FAM193A: variants seen among roughly 807,000 people sequenced by gnomAD.
The protein encoded by FAM193A is protein FAM193A.
FAM193A carries 22 observed loss-of-function variants against 126.5 expected under a neutral mutation model. That is an observed-to-expected ratio of 0.17 (90% confidence interval 0.12 to 0.25). The LOEUF is 0.25. Among genes scored for constraint, FAM193A ranks in the 10% least tolerant of loss-of-function variants. The pLI is 1.00. For missense variants in FAM193A, 1,675 were observed against 1,672.8 expected (o/e 1.00, Z -0.02); for synonymous variants, 761 against 646.8 (o/e 1.18, Z -2.68).
rs567792372 is a variant in FAM193A at position 2,638,245 on chromosome 4, G to A, written c.1039-1490G>A. Reference sequence around the variant, plus strand: ...GTCACTGCCTACTCTTCTGTTCCCCGGGAACTCCTGGAGAGCAGCGGACTA... The same window carrying A: ...GTCACTGCCTACTCTTCTGTTCCCCAGGAACTCCTGGAGAGCAGCGGACTA... On this transcript the variant is annotated intron_variant, in intron 5 of 20. Transcript: ENST00000637812. Among the ~76,000 whole-genome samples the A allele has an allele frequency of 3.9e-5, 6 of 152,316 alleles. No homozygotes were observed. The East Asian group carries it at 5.8e-4, about 15-fold the overall frequency.
intron 2 of FAM193A, among the ~76,000 whole-genome samples, chr4:2,614,378 CAG>C (rs1742063931): frequency 6.6e-6 from 1 of 152,176 alleles, no homozygotes; most frequent in Non-Finnish European, 1.5e-5. Flanking sequence ...AAGATGATAA[CAG>C]AGTTTTCCTT....
intron 4 of FAM193A, among the ~76,000 whole-genome samples, chr4:2,630,045 C>T (rs1021671133): frequency 4.0e-5 from 6 of 151,124 alleles, no homozygotes; most frequent in South Asian, 2.1e-4. Flanking sequence ...GGCAGGAGAA[C>T]TGTGTGAACC....
intron 4 of FAM193A, among the ~76,000 whole-genome samples, chr4:2,629,854 G>A (rs982234490): frequency 1.3e-4 from 20 of 152,158 alleles, no homozygotes; most frequent in East Asian, 1.9e-4. Context: ...ATTATCGGCC[G>A]GGTGCGGTGG....
intron 1 of FAM193A, among the ~76,000 whole-genome samples, chr4:2,544,581 G>A (rs1389711828): frequency 6.6e-6 from 1 of 152,094 alleles, no homozygotes; most frequent in East Asian, 1.9e-4. Context: ...GTGGGCGCCT[G>A]TAATCCTAGC....
intron 7 of FAM193A, among the ~76,000 whole-genome samples, chr4:2,649,480 C>T (rs1217971556): frequency 6.6e-6 from 1 of 151,842 alleles, no homozygotes; most frequent in Non-Finnish European, 1.5e-5. Flanking sequence ...TGAGATCAGC[C>T]TGGGTGACAT....
At chr4:2,704,092 G>A (rs1043651478) in intron 19 of FAM193A, among the ~76,000 whole-genome samples, 15 of 150,614 alleles carry the variant, frequency 1.0e-4, no homozygotes, top group Non-Finnish European at 1.9e-4. Context: ...ATGAAACCCC[G>A]TCTCTACTAA....
At chr4:2,692,323 G>A (rs1716490699) in intron 15 of FAM193A, among the ~76,000 whole-genome samples, 1 of 152,184 alleles carries the variant, frequency 6.6e-6, no homozygotes, top group Non-Finnish European at 1.5e-5. Flanking sequence ...CACTAGAACA[G>A]CATGGGGGAA....
At chr4:2,541,599 C>T (rs1049467724) in intron 1 of FAM193A, among the ~76,000 whole-genome samples, 1 of 151,492 alleles carries the variant, frequency 6.6e-6, no homozygotes, top group Non-Finnish European at 1.5e-5. Flanking sequence ...GCGCGTGCCA[C>T]CACGCCCAGC....
At chr4:2,552,547 CT>C (rs1165840914) in intron 1 of FAM193A, among the ~76,000 whole-genome samples, 1 of 150,868 alleles carries the variant, frequency 6.6e-6, no homozygotes, top group Non-Finnish European at 1.5e-5. Flanking sequence ...CTTTTCTTTT[CT>C]TTTTTTTTGA....
At chr4:2,538,233 C>G (rs1472419447) in intron 1 of FAM193A, among the ~76,000 whole-genome samples, 2 of 150,954 alleles carry the variant, frequency 1.3e-5, no homozygotes, top group Non-Finnish European at 2.9e-5. Context: ...GAGTCTCGCT[C>G]TGTCGCCCAG....
intron 12 of FAM193A, among the ~76,000 whole-genome samples, chr4:2,667,449 T>C (rs1306621143): frequency 1.3e-5 from 2 of 152,218 alleles, no homozygotes; most frequent in East Asian, 3.8e-4. Context: ...TGTTGGATTA[T>C]TTCCTTCTCC....
chr4:2,540,893 G>A (rs549331835), intron 1 of FAM193A, among the ~76,000 whole-genome samples: 2 of 151,598 alleles, frequency 1.3e-5, no homozygotes, highest in South Asian at 4.2e-4. Flanking sequence ...CCTGGGAGAC[G>A]GAGGTTGCAG....
In FAM193A at chr4:2,657,849, T is replaced by C; in HGVS notation, c.1358T>C (p.Leu453Pro). The change falls in exon 8 of 21, where the codon CTT (leucine) becomes CCT (proline). Residue 453 changes from leucine (L) to proline (P), a missense_variant. Around this residue, in one of 4 missense-constraint regions of FAM193A, gnomAD observed 1,186 missense variants for 1,109.2 expected, o/e 1.07. Coordinates refer to ENST00000637812, the MANE Select transcript of FAM193A (RefSeq NM_001366318.2). ...KQRMLTEDWE[L>P]FKQRRFIEEQ... ...CGCATGTTAACAGAAGACTGGGAGC[T>C]TTTTAAACAAAGAAGATTCATTGAA... is the stretch of plus-strand genomic sequence containing the variant. 6.2e-7 allele frequency: 1 copy of C among 1,612,464 alleles called. No individual in the cohort carries two copies. The highest frequency in any genetic ancestry group is 8.5e-7 in the Non-Finnish European group (1 of 1,179,164).
At chr4:2,550,501 A>G (rs1320439043) in intron 1 of FAM193A, among the ~76,000 whole-genome samples, 4 of 151,822 alleles carry the variant, frequency 2.6e-5, no homozygotes, top group African/African-American at 9.7e-5. Flanking sequence ...TAATGGCACG[A>G]TCTTGGCTCA....
rs1221268390 is a variant in FAM193A at position 2,596,259 on chromosome 4, T to G, written c.431T>G (p.Leu144Arg). Reference protein sequence around the residue: ...PKGNSVLHLPLWVCPDCRRTV... With the variant: ...PKGNSVLHLPRWVCPDCRRTV... Reference sequence around the variant, plus strand: ...GGCAACAGCGTGCTGCACCTGCCACTGTGGGTGTGCCCGGACTGCCGCAGG... The same window carrying G: ...GGCAACAGCGTGCTGCACCTGCCACGGTGGGTGTGCCCGGACTGCCGCAGG... The change falls in exon 2 of 21, where the codon CTG becomes CGG. Residue 144 changes from leucine (L) to arginine (R), a missense_variant. Leu to Arg is a moderately radical substitution (Grantham distance 102, BLOSUM62 -2). Transcript: ENST00000637812. 1 of 703,028 alleles carries G rather than the reference T, an allele frequency of 1.4e-6. No homozygotes were observed. Among genetic ancestry groups the G allele is most frequent in the Non-Finnish European group, 2.6e-6 (1 of 384,998 alleles). The allele number at this position is 703,028 out of a possible 1,614,324, so 43.5% of individuals were successfully genotyped here. A position where few individuals can be genotyped will look rare whatever the true frequency, so the allele number is the denominator to read the frequency against.
intron 1 of FAM193A, among the ~76,000 whole-genome samples, chr4:2,573,888 G>A (rs1037111277): frequency 6.6e-6 from 1 of 152,154 alleles, no homozygotes; most frequent in African/African-American, 2.4e-5. Context: ...GGGGGAAGAA[G>A]TTTCTAGTCA....
intron 2 of FAM193A, chr4:2,608,074 C>A (rs958403840): frequency 8.7e-6 from 14 of 1,608,996 alleles, no homozygotes; most frequent in Non-Finnish European, 1.2e-5. Context: ...AAGGTGAAGC[C>A]GGCCTGATTC....
intron 12 of FAM193A, among the ~76,000 whole-genome samples, chr4:2,670,618 C>G (rs1046348792): frequency 6.6e-6 from 1 of 152,128 alleles, no homozygotes; most frequent in Non-Finnish European, 1.5e-5. Flanking sequence ...CACCACCATG[C>G]CTGGATAGTT....
At chr4:2,631,352 C>G (rs1257319671) in intron 5 of FAM193A, among the ~76,000 whole-genome samples, 183 bp downstream of exon 5, 1 of 152,064 alleles carries the variant, frequency 6.6e-6, no homozygotes, top group Non-Finnish European at 1.5e-5. Context: ...CTGGACTTTG[C>G]CACTGGATAA....
Sources: allele counts gnomAD v4.1 joint callset (sites outside exome capture counted in the v4.1 genomes callset), GRCh38; gene constraint gnomAD v4.1.1; regional missense constraint gnomAD v4.1.1; transcripts MANE v1.5; gene names NCBI Gene and HGNC (gene_info 2026-07-23, HGNC 2026-07-21).